The following PM20D1 variants were observed in gnomAD, a reference collection of about 807,000 sequenced individuals.
PM20D1 encodes N-fatty-acyl-amino acid synthase/hydrolase PM20D1.
In PM20D1, 53 loss-of-function variants were observed where a neutral mutation model predicts 53.8. That is an observed-to-expected ratio of 0.98 (90% confidence interval 0.79 to 1.24). The LOEUF is 1.24. Among genes scored for constraint, PM20D1 ranks in the 50% most tolerant of loss-of-function variants. PM20D1 has a pLI of 0.00. For missense variants in PM20D1, 564 were observed against 616.8 expected (o/e 0.91, Z 0.91); for synonymous variants, 239 against 241.3 (o/e 0.99, Z 0.09).
At chr1:205,841,730 A>C in intron 9 of PM20D1, 81 bp downstream of exon 9, 7 of 1,334,392 alleles carry the variant, frequency 5.2e-6, no homozygotes, top group South Asian at 1.3e-5. Context: ...GAAGGAAGGA[A>C]GAGCCAGTAG....
At chr1:205,831,787 C>T (rs1000128678) in intron 11 of PM20D1, among the ~76,000 whole-genome samples, 7 of 152,032 alleles carry the variant, frequency 4.6e-5, no homozygotes, top group Admixed American at 2.0e-4. Context: ...TGGTCTTGAA[C>T]TCCTGACCTC....
Position 205,832,586 on chromosome 1 carries a change from TG to T in PM20D1, c.1285+11del. 8.7e-6 allele frequency: 14 copies of T among 1,613,950 alleles called. No individual in the cohort carries two copies. Among genetic ancestry groups the T allele is most frequent in the Non-Finnish European group, 1.2e-5 (14 of 1,179,870 alleles). On this transcript the variant is annotated intron_variant, in intron 11 of 12. Coordinates refer to ENST00000367136, the MANE Select transcript of PM20D1 (RefSeq NM_152491.5). ...CCCTCCTCCCTCCAGCCACAGCTGA[TG>T]AAGTCATTACCTGGGGCAGTAATAT...
At position 205,830,281 on chromosome 1, in the gene PM20D1, G is replaced by A. The variant is rs749953295; in HGVS notation, c.1384C>T (p.Arg462Cys). Residue 462 changes from arginine (R) to cysteine (C), a missense_variant and splice_region_variant, in exon 12 of 13, where the codon CGC becomes TGC. Transcript: ENST00000367136. ...PIYIQPEDFK[R>C]IHGVNEKISV... ...GCTGCTCAAACCTGTTCCACTCACC[G>A]TTTGAAGTCTTCAGGCTGTATGTAG... is the stretch of plus-strand genomic sequence containing the variant. 23 of 1,589,890 alleles carry A rather than the reference G, an allele frequency of 1.4e-5. No individual in the cohort carries two copies. Among genetic ancestry groups the A allele is most frequent in the African/African-American group, 4.0e-5 (3 of 74,368 alleles).
At chr1:205,833,395 C>G (rs1656605544) in intron 10 of PM20D1, among the ~76,000 whole-genome samples, 1 of 152,212 alleles carries the variant, frequency 6.6e-6, no homozygotes, top group African/African-American at 2.4e-5. Flanking sequence ...GAACCTCAGA[C>G]AGGTAATAAA....
chr1:205,839,357 G>T (rs1010366881), intron 10 of PM20D1, among the ~76,000 whole-genome samples: 1 of 152,114 alleles, frequency 6.6e-6, no homozygotes, highest in Non-Finnish European at 1.5e-5. Context: ...ATGGCAATTT[G>T]TTCACCTCTA....
intron 9 of PM20D1, 51 bp downstream of exon 9, chr1:205,841,760 G>A: frequency 6.8e-7 from 1 of 1,468,222 alleles, no homozygotes; most frequent in East Asian, 2.5e-5. Flanking sequence ...AGGAAGGGAG[G>A]AGTGGAGGGC....
intron 7 of PM20D1, 98 bp from the exon 8 acceptor site, chr1:205,842,313 C>A: frequency 1.8e-6 from 2 of 1,114,258 alleles, no homozygotes; most frequent in Non-Finnish European, 2.7e-6. Flanking sequence ...CCTCAGGGGC[C>A]CTTAGCAGTC....
chr1:205,840,212 G>A, intron 10 of PM20D1, 40 bp downstream of exon 10: 1 of 1,575,126 alleles, frequency 6.3e-7, no homozygotes, highest in South Asian at 1.1e-5. Flanking sequence ...ACATCTCCCT[G>A]ATGCTGCATG....
chr1:205,845,852 G>T (rs1298323780), intron 2 of PM20D1, among the ~76,000 whole-genome samples: 2 of 152,110 alleles, frequency 1.3e-5, no homozygotes, highest in Non-Finnish European at 2.9e-5. Flanking sequence ...GGAGGCCGAG[G>T]CAGGTGGATC....
Position 205,844,906 on chromosome 1 carries a change from C to T in PM20D1, c.490-9G>A, listed in dbSNP as rs528442297. ...AAGGCCTGCAGTAATGCCTGGGGTT[C>T]AGAAGCACAATGGAAGAGGAAAAAG... On this transcript the variant is annotated splice_polypyrimidine_tract_variant and intron_variant, in intron 3 of 12. Transcript: ENST00000367136. 1 of 1,611,388 alleles carries T rather than the reference C, an allele frequency of 6.2e-7. No individual in the cohort carries two copies. The highest frequency in any genetic ancestry group is 8.5e-7 in the Non-Finnish European group (1 of 1,178,378).
chr1:205,839,730 C>T (rs1014099145), intron 10 of PM20D1, among the ~76,000 whole-genome samples: 4 of 151,472 alleles, frequency 2.6e-5, no homozygotes, highest in Non-Finnish European at 5.9e-5. Flanking sequence ...ACAAAAAATA[C>T]AAAAAATACA....
chr1:205,844,996 G>T (rs1656916100), intron 3 of PM20D1, 99 bp from the exon 4 acceptor site: 4 of 989,770 alleles, frequency 4.0e-6, no homozygotes, highest in Non-Finnish European at 6.2e-6. Context: ...AGGGCTGGTG[G>T]GATGAGGATG....
chr1:205,828,438 C>G lies in PM20D1; in HGVS notation c.*182G>C. ...CAGATGTCGGGAGGAAGGGAGAAGC[C>G]AGATTTCTGCTGACTTTACCTTACC... is the stretch of plus-strand genomic sequence containing the variant. On this transcript the variant is annotated 3_prime_UTR_variant, in exon 13 of 13. Transcript: ENST00000367136. 1 of 815,468 alleles carries G rather than the reference C, an allele frequency of 1.2e-6. No homozygotes were observed. The highest frequency in any genetic ancestry group is 2.0e-5 in the South Asian group (1 of 49,138). The allele number at this position is 815,468 out of a possible 1,614,324, so 50.5% of individuals were successfully genotyped here.
chr1:205,832,545 G>A, intron 11 of PM20D1, 53 bp downstream of exon 11: 8 of 1,592,734 alleles, frequency 5.0e-6, no homozygotes, highest in Non-Finnish European at 5.2e-6. Flanking sequence ...ACATTGGATA[G>A]GAAACAGTTC....
At position 205,840,238 on chromosome 1, in the gene PM20D1, C is replaced by T. The variant is rs376876779; in HGVS notation, c.1116+14G>A. Reference sequence around the variant, plus strand: ...ATGCTGCATGAGTTGTTGTCTGGAACATATGGTACATACCTCTTGGACTGT... The same window carrying T: ...ATGCTGCATGAGTTGTTGTCTGGAATATATGGTACATACCTCTTGGACTGT... On this transcript the variant is annotated intron_variant, in intron 10 of 12. Coordinates refer to ENST00000367136, the MANE Select transcript of PM20D1 (RefSeq NM_152491.5). 1 of 1,608,868 alleles carries T rather than the reference C, an allele frequency of 6.2e-7. No individual in the cohort carries two copies. The highest frequency in any genetic ancestry group is 8.5e-7 in the Non-Finnish European group (1 of 1,176,580).
In PM20D1 at chr1:205,828,331, C is replaced by T; in HGVS notation, c.*289G>A. 1 of 278,060 alleles carries T rather than the reference C, an allele frequency of 3.6e-6. No individual in the cohort carries two copies. Among genetic ancestry groups the T allele is most frequent in the Non-Finnish European group, 6.8e-6 (1 of 147,692 alleles). The allele number at this position is 278,060 out of a possible 1,614,324, so 17.2% of individuals were successfully genotyped here. A position where few individuals can be genotyped will look rare whatever the true frequency, so the allele number is the denominator to read the frequency against. On this transcript the variant is annotated 3_prime_UTR_variant, in exon 13 of 13. Coordinates refer to ENST00000367136, the MANE Select transcript of PM20D1 (RefSeq NM_152491.5). ...TCAAATCTACATTTGTTAAGTCAAG[C>T]CTGGAAGGTGAAGCAGTGAAATAAC...
At chr1:205,847,067 G>A (rs1291565820) in intron 2 of PM20D1, among the ~76,000 whole-genome samples, 1 of 123,402 alleles carries the variant, frequency 8.1e-6, no homozygotes, top group Non-Finnish European at 1.6e-5. Flanking sequence ...ACTTACACTC[G>A]AGCACAGTGG....
intron 7 of PM20D1, 70 bp from the exon 8 acceptor site, chr1:205,842,285 C>T: frequency 5.6e-6 from 8 of 1,419,468 alleles, no homozygotes; most frequent in Non-Finnish European, 8.0e-6. Context: ...ACCTGAGTCT[C>T]TCTCTACTTT....
rs368024939 is a variant in PM20D1 at position 205,846,737 on chromosome 1, C to T, written c.256+1148G>A. On this transcript the variant is annotated intron_variant, in intron 2 of 12. Transcript: ENST00000367136. ...ATGTTCCTAGGGTCAATTATTCAAG[C>T]GACCTTAGCTACATAGGAGAAATAA... Among the ~76,000 whole-genome samples the T allele has an allele frequency of 3.2e-4, 49 of 151,896 alleles. 1 individual carries two copies. The East Asian group carries it at 7.0e-3, about 22-fold the overall frequency.
Sources: allele counts gnomAD v4.1 joint callset (sites outside exome capture counted in the v4.1 genomes callset), GRCh38; gene constraint gnomAD v4.1.1; transcripts MANE v1.5; gene names NCBI Gene and HGNC (gene_info 2026-07-23, HGNC 2026-07-21).